MALRD1: variants seen among roughly 807,000 people sequenced by gnomAD.
MALRD1 encodes MAM and LDL receptor class A domain containing 1.
Under a neutral mutation model 242.1 loss-of-function variants are expected in MALRD1, and 247 were observed. The observed-to-expected ratio is 1.02, with a 90% CI of 0.92 to 1.13. The LOEUF is 1.13. Ranked by LOEUF, MALRD1 falls within the 50% of genes most tolerant of loss-of-function variation. The pLI is 0.00. For synonymous variants in MALRD1, 995 were observed against 866.6 expected (o/e 1.15, Z -2.60); for missense variants, 2,989 against 2,533.1 (o/e 1.18, Z -3.86).
At chr10:19,188,432 A>G (rs767671337) in intron 14 of MALRD1, among the ~76,000 whole-genome samples, 3 of 152,194 alleles carry the variant, frequency 2.0e-5, no homozygotes, top group Non-Finnish European at 4.4e-5. Context: ...TATCTGAACA[A>G]ATTTTATTTA....
At chr10:19,220,628 C>T (rs1469992010) in intron 18 of MALRD1, among the ~76,000 whole-genome samples, 2 of 152,094 alleles carry the variant, frequency 1.3e-5, no homozygotes, top group African/African-American at 4.8e-5. Context: ...TAATTCGACC[C>T]AGATGCGTTC....
chr10:19,531,937 G>T (rs541412120), intron 32 of MALRD1, among the ~76,000 whole-genome samples: 26 of 152,102 alleles, frequency 1.7e-4, no homozygotes, highest in African/African-American at 5.8e-4. Context: ...TAATTAAATG[G>T]TTACATATCA....
At chr10:19,422,863 T>C (rs1564326749) in intron 28 of MALRD1, among the ~76,000 whole-genome samples, 1 of 152,226 alleles carries the variant, frequency 6.6e-6, no homozygotes, top group Non-Finnish European at 1.5e-5. Context: ...CTGTTTCAAG[T>C]ATGCCTCCAA....
At chr10:19,410,052 C>A (rs1010899438) in intron 28 of MALRD1, among the ~76,000 whole-genome samples, 36 of 152,062 alleles carry the variant, frequency 2.4e-4, no homozygotes, top group African/African-American at 8.5e-4. Flanking sequence ...TAGTCATTGA[C>A]ATTTCAGGTT....
At chr10:19,062,323 T>G (rs1834846677) in intron 1 of MALRD1, among the ~76,000 whole-genome samples, 1 of 152,206 alleles carries the variant, frequency 6.6e-6, no homozygotes, top group Admixed American at 6.5e-5. Context: ...CTCATGCTTT[T>G]CTGGTGGGAA....
chr10:19,117,882 A>G (rs575592726), intron 5 of MALRD1, among the ~76,000 whole-genome samples: 1 of 152,344 alleles, frequency 6.6e-6, no homozygotes, highest in Admixed American at 6.5e-5. Flanking sequence ...CATTTATCAA[A>G]CAAGTATACA....
chr10:19,628,973 T>A (rs1313899614), intron 36 of MALRD1, among the ~76,000 whole-genome samples: 2 of 152,092 alleles, frequency 1.3e-5, no homozygotes, highest in Non-Finnish European at 2.9e-5. Flanking sequence ...GGAATGTGAT[T>A]GAAGGTGAAG....
chr10:19,700,911 C>T (rs569431463), intron 38 of MALRD1, among the ~76,000 whole-genome samples: 2 of 152,264 alleles, frequency 1.3e-5, no homozygotes, highest in Non-Finnish European at 2.9e-5. Context: ...GTAATCCCAA[C>T]ACTTTGGGAG....
chr10:19,456,600 G>A (rs1467763865), intron 29 of MALRD1, among the ~76,000 whole-genome samples: 1 of 152,142 alleles, frequency 6.6e-6, no homozygotes, highest in Non-Finnish European at 1.5e-5. Context: ...TACATGAAAA[G>A]CTGTATTTCT....
intron 39 of MALRD1, among the ~76,000 whole-genome samples, chr10:19,733,312 C>G (rs924485960): frequency 6.6e-6 from 1 of 152,134 alleles, no homozygotes; most frequent in Admixed American, 6.6e-5. Context: ...CCCTCCATTT[C>G]CTCACCCTCC....
rs563094674 is a variant in MALRD1, at chr10:19,555,103, T to TC, written c.5479-12399_5479-12398insC. Among the ~76,000 whole-genome samples, 314 of 152,270 alleles carry TC rather than the reference T, an allele frequency of 2.1e-3. 2 individuals carry two copies. Among genetic ancestry groups the TC allele is most frequent in the African/African-American group, 6.2e-3 (258 of 41,558 alleles). On this transcript the variant is annotated intron_variant, in intron 32 of 39. Transcript: ENST00000454679. The stretch of plus-strand genomic sequence containing the variant: ...CGCCATTCTGACTGGCATGAGATGA[T>TC]ATCTCATTGTGTTTTTGATTTGAAT...
At chr10:19,537,073 G>A (rs1041428642) in intron 32 of MALRD1, among the ~76,000 whole-genome samples, 1 of 152,204 alleles carries the variant, frequency 6.6e-6, no homozygotes, top group East Asian at 1.9e-4. Context: ...GGCTGGCATA[G>A]CTGGAACAAC....
At chr10:19,484,297 G>A (rs1350858172) in intron 29 of MALRD1, among the ~76,000 whole-genome samples, 1 of 152,036 alleles carries the variant, frequency 6.6e-6, no homozygotes, top group African/African-American at 2.4e-5. Flanking sequence ...ATAAAAATAA[G>A]AAAAGTTTTC....
intron 14 of MALRD1, among the ~76,000 whole-genome samples, chr10:19,185,472 G>A (rs61249651): frequency 0.1 from 15,495 of 151,692 alleles, 843 homozygotes; most frequent in East Asian, 0.18. Flanking sequence ...TGAAACCTTA[G>A]CCAAGGTTGA....
At chr10:19,061,864 G>T (rs903830203) in intron 1 of MALRD1, among the ~76,000 whole-genome samples, 1 of 152,154 alleles carries the variant, frequency 6.6e-6, no homozygotes, top group Admixed American at 6.5e-5. Context: ...CATAATATTA[G>T]ATGTGGTAAA....
intron 21 of MALRD1, among the ~76,000 whole-genome samples, chr10:19,291,661 A>G (rs1201145967): frequency 7.9e-5 from 12 of 152,150 alleles, no homozygotes; most frequent in Non-Finnish European, 1.8e-4. Flanking sequence ...AGATATTGCT[A>G]AAAGAGGGTC....
At chr10:19,405,482 C>G (rs1224346828) in intron 28 of MALRD1, among the ~76,000 whole-genome samples, 1 of 152,154 alleles carries the variant, frequency 6.6e-6, no homozygotes, top group Non-Finnish European at 1.5e-5. Context: ...CTGACTTGAT[C>G]ATCTGCTATA....
chr10:19,200,921 G>T (rs4466730), intron 14 of MALRD1, among the ~76,000 whole-genome samples: 14 of 151,926 alleles, frequency 9.2e-5, no homozygotes, highest in African/African-American at 2.9e-4. Flanking sequence ...TTATTAAATA[G>T]AAATTTTGTG....
intron 5 of MALRD1, among the ~76,000 whole-genome samples, chr10:19,105,041 C>A (rs558569994): frequency 6.6e-6 from 1 of 151,738 alleles, no homozygotes; most frequent in South Asian, 2.1e-4. Context: ...ATTTGAAATT[C>A]TCTCTATTAG....
Sources: gnomAD v4.1 joint callset for allele counts (sites outside exome capture counted in the v4.1 genomes callset) on GRCh38, gnomAD v4.1.1 for gene constraint, MANE v1.5 for transcripts, NCBI Gene and HGNC (gene_info 2026-07-23, HGNC 2026-07-21) for gene names.